UQCC4: variants seen among roughly 807,000 people sequenced by gnomAD.
The protein encoded by UQCC4 is ubiquinol-cytochrome c reductase complex assembly factor 4, also known as cattle cerebrum and skeletal muscle-specific protein 1 family member.
At chr16:1,420,012 G>A in the UQCC4 span, 1 of 1,606,224 alleles carries the variant, frequency 6.2e-7, no homozygotes, top group African/African-American at 1.3e-5. Flanking sequence ...AAGGATCTGA[G>A]AAGTCTTGCC....
the UQCC4 span, chr16:1,420,537 G>C: frequency 1.9e-6 from 3 of 1,613,962 alleles, no homozygotes; most frequent in East Asian, 2.2e-5. Flanking sequence ...CGGCAGGGTG[G>C]GCCCGATCCC....
chr16:1,420,514 T>G, the UQCC4 span: 1 of 1,614,176 alleles, frequency 6.2e-7, no homozygotes. Context: ...GTCAGGGTCG[T>G]CCTCTTCCTC....
chr16:1,419,855 TTC>T, the UQCC4 span: 1 of 1,320,760 alleles, frequency 7.6e-7, no homozygotes, highest in South Asian at 1.3e-5. Flanking sequence ...AGTTTCACAC[TTC>T]TGCCAGATAT....
chr16:1,420,399 G>A, the UQCC4 span: 7 of 1,614,266 alleles, frequency 4.3e-6, no homozygotes, highest in Non-Finnish European at 5.9e-6. Flanking sequence ...GGAAGCAGCT[G>A]AGGGGCAGCA....
chr16:1,420,156 C>G, the UQCC4 span: 2 of 1,613,916 alleles, frequency 1.2e-6, no homozygotes, highest in Non-Finnish European at 1.7e-6. Flanking sequence ...TGAGGACGCA[C>G]GCATAGCCAG....
At chr16:1,419,940 T>A in the UQCC4 span, 1 of 1,503,936 alleles carries the variant, frequency 6.6e-7, no homozygotes, top group South Asian at 1.1e-5. Flanking sequence ...TTTGGAAACA[T>A]GATTATGTTA....
the UQCC4 span, chr16:1,420,052 C>T: frequency 6.2e-7 from 1 of 1,611,998 alleles, no homozygotes; most frequent in Non-Finnish European, 8.5e-7. Flanking sequence ...AAGAGCCAGG[C>T]GAGGAGCAGT....
the UQCC4 span, chr16:1,420,594 C>A: frequency 3.1e-6 from 5 of 1,592,456 alleles, no homozygotes; most frequent in Non-Finnish European, 4.3e-6. Flanking sequence ...AGCCTATGAG[C>A]CTCAGCGCCC....
chr16:1,419,861 C>T, the UQCC4 span: 1 of 1,331,662 alleles, frequency 7.5e-7, no homozygotes, highest in East Asian at 4.3e-5. Context: ...ACACTTCTGC[C>T]AGATATTCTA....
chr16:1,420,300 GGGCTCT>G, the UQCC4 span: 5 of 1,614,096 alleles, frequency 3.1e-6, no homozygotes, highest in Admixed American at 6.7e-5. Flanking sequence ...AACGATCACT[GGGCTCT>G]GGCACCTCTC....
chr16:1,420,648 C>T, the UQCC4 span: 1 of 1,551,250 alleles, frequency 6.4e-7, no homozygotes, highest in South Asian at 1.2e-5. Context: ...TCCGCCCGCC[C>T]GCCGGTGTCT....
the UQCC4 span, chr16:1,420,609 G>A: frequency 5.5e-5 from 87 of 1,570,632 alleles, 1 homozygote; most frequent in Middle Eastern, 5.0e-4. Flanking sequence ...GCGCCCGGAC[G>A]GCCCTGGAAG....
At chr16:1,420,257 C>T in the UQCC4 span, 15 of 1,613,672 alleles carry the variant, frequency 9.3e-6, no homozygotes, top group Non-Finnish European at 1.3e-5. Context: ...CAAGTTCTCG[C>T]TCTGTAGGCA....
chr16:1,420,617 AAG>A, the UQCC4 span: 3 of 1,564,120 alleles, frequency 1.9e-6, no homozygotes, highest in Non-Finnish European at 2.6e-6. Context: ...ACGGCCCTGG[AAG>A]AGAGAGAGCA....
At chr16:1,420,122 T>C in the UQCC4 span, 2 of 1,613,410 alleles carry the variant, frequency 1.2e-6, no homozygotes, top group Non-Finnish European at 1.7e-6. Flanking sequence ...AAGTGCCCCA[T>C]CCACCAGCCA....
At chr16:1,419,806 T>C in the UQCC4 span, 4 of 880,708 alleles carry the variant, frequency 4.5e-6, no homozygotes, top group African/African-American at 5.3e-5. Flanking sequence ...AAAACTCACA[T>C]GTGGAAGTGT....
chr16:1,420,026 G>A, the UQCC4 span: 9 of 1,609,412 alleles, frequency 5.6e-6, no homozygotes, highest in Non-Finnish European at 7.6e-6. Context: ...TCTTGCCGAT[G>A]GAATCCTTGG....
At chr16:1,420,528 G>GGCA in the UQCC4 span, 1 of 1,614,090 alleles carries the variant, frequency 6.2e-7, no homozygotes, top group South Asian at 1.1e-5. Flanking sequence ...CTTCCTCGGC[G>GGCA]GCAGGGTGGG....
chr16:1,420,444 G>A, the UQCC4 span: 59 of 1,614,124 alleles, frequency 3.7e-5, no homozygotes, highest in Non-Finnish European at 4.7e-5. Flanking sequence ...CCTTTCCCAT[G>A]GTATGGCCCA....
Sources: allele counts gnomAD v4.1 joint callset, GRCh38; gene constraint gnomAD v4.1.1; transcripts MANE v1.5; gene names NCBI Gene and HGNC (gene_info 2026-07-23, HGNC 2026-07-21).